KCNQ3: variants seen among roughly 807,000 people sequenced by gnomAD.
KCNQ3 encodes the protein potassium voltage-gated channel subfamily Q member 3.
Under a neutral mutation model 92.5 loss-of-function variants are expected in KCNQ3, and 30 were observed. The observed-to-expected ratio is 0.32, with a 90% CI of 0.24 to 0.44. The LOEUF is 0.44. Among genes scored for constraint, KCNQ3 ranks in the 20% least tolerant of loss-of-function variants. The probability of loss-of-function intolerance (pLI) is 1.00; values close to 1 mark genes in which losing one functional copy is unlikely to be tolerated. For synonymous variants in KCNQ3, 450 were observed against 468.8 expected, an observed-to-expected ratio of 0.96 and a Z score of 0.52; for missense variants, 913 against 1,140.3, an observed-to-expected ratio of 0.80 and a Z score of 2.87.
At chr8:132,442,840 C>T (rs1430608910) in intron 1 of KCNQ3, among the ~76,000 whole-genome samples, 1 of 152,148 alleles carries the variant, frequency 6.6e-6, no homozygotes, top group African/African-American at 2.4e-5. Context: ...TAACAGGATA[C>T]ATGGTTTTTT....
intron 1 of KCNQ3, among the ~76,000 whole-genome samples, chr8:132,309,530 A>AC (rs1817528780): frequency 6.6e-6 from 1 of 152,186 alleles, no homozygotes. Context: ...CAGGACCGGC[A>AC]CCCCAAACAC....
intron 1 of KCNQ3, among the ~76,000 whole-genome samples, chr8:132,427,449 G>A (rs1484661517): frequency 2.0e-5 from 3 of 152,198 alleles, no homozygotes; most frequent in Non-Finnish European, 4.4e-5. Context: ...GAAGGAGAGA[G>A]AAGAAACCAT....
In KCNQ3 at chr8:132,121,614, A is replaced by C. The variant is rs1416899163; in HGVS notation, c.*7648T>G. On this transcript the variant is annotated 3_prime_UTR_variant, in exon 15 of 15. Coordinates refer to ENST00000388996, the MANE Select transcript of KCNQ3 (RefSeq NM_004519.4). ...CTTCCATGGGAAACCTTGATCTTTT[A>C]ATACTGAGAAAGAGAGACACAACTG... The C allele has an allele frequency of 6.6e-6, 1 of 152,198 alleles. No homozygotes were observed. 9.4% of individuals were successfully genotyped at this position (152,198 alleles called of 1,614,324 possible). A position where few individuals can be genotyped will look rare whatever the true frequency, so the allele number is the denominator to read the frequency against.
At chr8:132,246,068 C>T (rs1328993660) in intron 1 of KCNQ3, among the ~76,000 whole-genome samples, 1 of 152,124 alleles carries the variant, frequency 6.6e-6, no homozygotes, top group African/African-American at 2.4e-5. Context: ...CTTCCCAAAA[C>T]ATTAACCTTG....
At chr8:132,391,779 C>G (rs564682596) in intron 1 of KCNQ3, among the ~76,000 whole-genome samples, 1 of 152,310 alleles carries the variant, frequency 6.6e-6, no homozygotes, top group East Asian at 1.9e-4. Context: ...GCCAGCCAGC[C>G]TTCTGCACCA....
At chr8:132,166,120 T>C (rs1826135803) in intron 8 of KCNQ3, among the ~76,000 whole-genome samples, 1 of 152,212 alleles carries the variant, frequency 6.6e-6, no homozygotes, top group South Asian at 2.1e-4. Flanking sequence ...TTCTCATAGC[T>C]AACAATTCCA....
intron 1 of KCNQ3, among the ~76,000 whole-genome samples, chr8:132,472,161 G>A (rs1376183417): frequency 6.6e-6 from 1 of 152,056 alleles, no homozygotes; most frequent in Admixed American, 6.6e-5. Context: ...ACTGTTGGTG[G>A]GAATGTAAAT....
chr8:132,278,031 A>G, intron 1 of KCNQ3: 2 of 985,356 alleles, frequency 2.0e-6, no homozygotes, highest in Non-Finnish European at 2.4e-6. Flanking sequence ...AAGGCTACAG[A>G]GCTCAGATTC....
At chr8:132,136,817 A>G (rs997688212) in intron 12 of KCNQ3, among the ~76,000 whole-genome samples, 7 of 151,568 alleles carry the variant, frequency 4.6e-5, no homozygotes, top group African/African-American at 1.7e-4. Flanking sequence ...AATTTAAAAA[A>G]TCTCATTATA....
intron 1 of KCNQ3, among the ~76,000 whole-genome samples, chr8:132,202,577 T>G (rs925142594): frequency 6.6e-6 from 1 of 152,256 alleles, no homozygotes; most frequent in African/African-American, 2.4e-5. Flanking sequence ...CCAGATATCC[T>G]AGTTCATGGC....
chr8:132,223,540 A>G (rs1299535399), intron 1 of KCNQ3, among the ~76,000 whole-genome samples: 3 of 152,216 alleles, frequency 2.0e-5, no homozygotes, highest in Non-Finnish European at 4.4e-5. Flanking sequence ...GTTACAGTTC[A>G]TGGATCCTAA....
At chr8:132,389,419 G>T (rs1473555517) in intron 1 of KCNQ3, among the ~76,000 whole-genome samples, 1 of 152,208 alleles carries the variant, frequency 6.6e-6, no homozygotes, top group African/African-American at 2.4e-5. Flanking sequence ...CTCCATCCTG[G>T]CCAACAGAGC....
intron 1 of KCNQ3, among the ~76,000 whole-genome samples, chr8:132,457,989 C>G (rs550942700): frequency 1.3e-5 from 2 of 152,164 alleles, no homozygotes; most frequent in Admixed American, 1.3e-4. Context: ...ATGTCCACCT[C>G]CTGTCCAGAC....
rs532006374 is a variant in KCNQ3 at position 132,297,776 on chromosome 8, G to C, written c.387-111595C>G. Reference sequence around the variant, plus strand: ...AGGCTACATGGCCAACTCTCCTTTCGCAGCCACCCAGACTCCCCGGCTCCT... The same window carrying C: ...AGGCTACATGGCCAACTCTCCTTTCCCAGCCACCCAGACTCCCCGGCTCCT... On this transcript the variant is annotated intron_variant, in intron 1 of 14. Coordinates refer to ENST00000388996, the MANE Select transcript of KCNQ3 (RefSeq NM_004519.4). 3.0e-3 allele frequency among the ~76,000 whole-genome samples: 243 copies of C among 81,910 alleles called. 1 individual carries two copies. Among genetic ancestry groups the C allele is most frequent in the African/African-American group, 8.5e-3 (237 of 27,748 alleles). 53.7% of individuals were successfully genotyped at this position (81,910 alleles called of 152,430 possible).
chr8:132,303,534 G>A (rs1227583001), intron 1 of KCNQ3, among the ~76,000 whole-genome samples: 2 of 111,600 alleles, frequency 1.8e-5, no homozygotes, highest in Non-Finnish European at 3.6e-5. Flanking sequence ...TCTAGGCAGA[G>A]GGAGCACTTG....
Position 132,313,193 on chromosome 8 carries a change from C to T in KCNQ3, c.387-127012G>A, listed in dbSNP as rs138849441. Among the ~76,000 whole-genome samples, 324 of 152,276 alleles carry T rather than the reference C, an allele frequency of 2.1e-3. 1 individual carries two copies. The highest frequency in any genetic ancestry group is 7.2e-3 in the African/African-American group (301 of 41,558). On this transcript the variant is annotated intron_variant, in intron 1 of 14. Coordinates refer to ENST00000388996, the MANE Select transcript of KCNQ3 (RefSeq NM_004519.4). Reference sequence around the variant, plus strand: ...AAAGAATATTGTGGTATGAGTGGAACAGAACATTATCTTGAAGTCTTAAAG... The same window carrying T: ...AAAGAATATTGTGGTATGAGTGGAATAGAACATTATCTTGAAGTCTTAAAG...
chr8:132,283,305 G>A (rs1468578251), intron 1 of KCNQ3, among the ~76,000 whole-genome samples: 1 of 152,070 alleles, frequency 6.6e-6, no homozygotes, highest in East Asian at 1.9e-4. Flanking sequence ...CAGTATCAGG[G>A]CATAAAGTAG....
At chr8:132,304,482 T>C (rs977483368) in intron 1 of KCNQ3, among the ~76,000 whole-genome samples, 17 of 152,176 alleles carry the variant, frequency 1.1e-4, no homozygotes, top group Non-Finnish European at 1.8e-4. Flanking sequence ...GAAATGCAGA[T>C]AGTAAGAGCA....
chr8:132,423,997 C>T (rs1041130023), intron 1 of KCNQ3, among the ~76,000 whole-genome samples: 2 of 152,200 alleles, frequency 1.3e-5, no homozygotes, highest in African/African-American at 2.4e-5. Flanking sequence ...GCAGGACTAT[C>T]TTAAATGTTT....
Sources: gnomAD v4.1 joint callset for allele counts (sites outside exome capture counted in the v4.1 genomes callset) on GRCh38, gnomAD v4.1.1 for gene constraint, MANE v1.5 for transcripts, NCBI Gene and HGNC (gene_info 2026-07-23, HGNC 2026-07-21) for gene names.